ARID1B: variants seen among roughly 807,000 people sequenced by gnomAD.
The protein encoded by ARID1B is AT-rich interaction domain 1B, also known as AT-rich interactive domain-containing protein 1B.
ARID1B carries 30 observed loss-of-function variants against 212.3 expected under a neutral mutation model. The ratio of observed to expected loss-of-function variants is 0.14; its 90% CI spans 0.11 to 0.19. The LOEUF is 0.19. Among genes scored for constraint, ARID1B ranks in the 10% least tolerant of loss-of-function variants. The probability of loss-of-function intolerance (pLI) is 1.00; values close to 1 mark genes in which losing one functional copy is unlikely to be tolerated. For synonymous variants in ARID1B, 1,402 were observed against 1,301.7 expected (o/e 1.08, Z -1.66); for missense variants, 2,891 against 3,204.0 (o/e 0.90, Z 2.36).
At chr6:156,947,476 G>T (rs888806089) in intron 4 of ARID1B, among the ~76,000 whole-genome samples, 10 of 151,956 alleles carry the variant, frequency 6.6e-5, no homozygotes, top group African/African-American at 2.4e-4. Context: ...GGGCGATGGT[G>T]CAGGGAACCT....
chr6:157,060,599 G>C (rs1783274034), intron 4 of ARID1B, among the ~76,000 whole-genome samples: 1 of 129,514 alleles, frequency 7.7e-6, no homozygotes, highest in Non-Finnish European at 1.6e-5. Flanking sequence ...TATTTTGAAA[G>C]CATTTTAATA....
At chr6:157,054,817 A>G (rs184661552) in intron 4 of ARID1B, among the ~76,000 whole-genome samples, 7 of 152,336 alleles carry the variant, frequency 4.6e-5, no homozygotes, top group African/African-American at 1.7e-4. Flanking sequence ...CATAAAACAC[A>G]TAAATGTCTA....
chr6:156,856,223 G>A, intron 2 of ARID1B, among the ~76,000 whole-genome samples: 1 of 152,210 alleles, frequency 6.6e-6, no homozygotes, highest in East Asian at 1.9e-4. Context: ...GGAAAGATGT[G>A]TGTATGTTTC....
At chr6:157,045,358 C>T (rs1782163060) in intron 4 of ARID1B, among the ~76,000 whole-genome samples, 1 of 152,134 alleles carries the variant, frequency 6.6e-6, no homozygotes, top group Non-Finnish European at 1.5e-5. Flanking sequence ...TGAGTGTAAC[C>T]ACATGAAAAC....
intron 1 of ARID1B, among the ~76,000 whole-genome samples, chr6:156,805,052 A>G (rs1022144033): frequency 6.6e-6 from 1 of 152,144 alleles, no homozygotes; most frequent in African/African-American, 2.4e-5. Flanking sequence ...TTAGTACTTC[A>G]CTTACCAACC....
chr6:157,015,850 A>G (rs1352453358), intron 4 of ARID1B, among the ~76,000 whole-genome samples: 2 of 152,222 alleles, frequency 1.3e-5, no homozygotes, highest in African/African-American at 4.8e-5. Context: ...CCCCACTGCT[A>G]CATACATCCC....
chr6:156,795,484 A>C (rs1481504570), intron 1 of ARID1B, among the ~76,000 whole-genome samples: 5 of 152,202 alleles, frequency 3.3e-5, no homozygotes, highest in African/African-American at 4.8e-5. Flanking sequence ...ACCAAACACC[A>C]AAATTAGCAT....
At chr6:156,922,365 G>A (rs1489231887) in intron 3 of ARID1B, among the ~76,000 whole-genome samples, 1 of 152,100 alleles carries the variant, frequency 6.6e-6, no homozygotes, top group East Asian at 1.9e-4. Context: ...TAGAGATGGG[G>A]TTTCACCATG....
At chr6:156,824,449 C>A (rs1782599632) in intron 1 of ARID1B, among the ~76,000 whole-genome samples, 1 of 152,176 alleles carries the variant, frequency 6.6e-6, no homozygotes, top group Non-Finnish European at 1.5e-5. Context: ...TGAAAATGGT[C>A]ATACCCGGAT....
At chr6:157,187,278 G>C (rs9397320) in intron 13 of ARID1B, among the ~76,000 whole-genome samples, 1 of 152,068 alleles carries the variant, frequency 6.6e-6, no homozygotes, top group African/African-American at 2.4e-5. Flanking sequence ...CTCCACATTC[G>C]GTTAATAAGT....
Position 157,133,052 on chromosome 6 carries a change from A to G in ARID1B, c.2606A>G (p.Asn869Ser). ...ERGFMAGTQR[N>S]PQMAQYGPQQ... ...GGTTTTATGGCAGGCACACAAAGAA[A>G]CCCTCAGATGGCTCAGTATGGACCT... Residue 869 changes from asparagine (N) to serine (S), a missense_variant, in exon 7 of 20, where the codon AAC (asparagine) becomes AGC (serine). This residue lies in a region of ARID1B where 1,643 missense variants were observed against 1,544.0 expected (regional missense o/e 1.06). Transcript: ENST00000636930. 6.3e-7 allele frequency: 1 copy of G among 1,599,492 alleles called. No individual in the cohort carries two copies. Among genetic ancestry groups the G allele is most frequent in the South Asian group, 1.1e-5 (1 of 87,788 alleles).
At chr6:156,838,342 G>GA (rs2128075733) in intron 2 of ARID1B, among the ~76,000 whole-genome samples, 1 of 152,264 alleles carries the variant, frequency 6.6e-6, no homozygotes, top group East Asian at 1.9e-4. Flanking sequence ...TTACTTAATG[G>GA]TCCTGAGACA....
chr6:156,996,465 C>T (rs562847443), intron 4 of ARID1B, among the ~76,000 whole-genome samples: 43 of 152,306 alleles, frequency 2.8e-4, no homozygotes, highest in Non-Finnish European at 5.7e-4. Flanking sequence ...TTGTACTGAA[C>T]CAGAAGGTGA....
chr6:157,156,641 G>T (rs753092394), intron 8 of ARID1B, among the ~76,000 whole-genome samples: 6 of 152,164 alleles, frequency 3.9e-5, no homozygotes, highest in Admixed American at 3.9e-4. Flanking sequence ...CAAGCCACTC[G>T]TGAGCGTCAC....
intron 4 of ARID1B, among the ~76,000 whole-genome samples, chr6:157,003,640 T>G (rs1186642793): frequency 6.6e-6 from 1 of 152,214 alleles, no homozygotes; most frequent in Non-Finnish European, 1.5e-5. Flanking sequence ...AATGGACTAC[T>G]TACAGTGAAG....
chr6:157,025,811 C>T (rs922393367), intron 4 of ARID1B, among the ~76,000 whole-genome samples: 1 of 152,172 alleles, frequency 6.6e-6, no homozygotes, highest in Non-Finnish European at 1.5e-5. Flanking sequence ...TTTCATTGCT[C>T]TTGGGTGAAT....
chr6:157,195,922 G>A (rs1793685133), intron 15 of ARID1B: 2 of 415,906 alleles, frequency 4.8e-6, no homozygotes, highest in South Asian at 2.7e-5. Flanking sequence ...TTAGCCAGGT[G>A]TGGTGGTGGA....
intron 4 of ARID1B, among the ~76,000 whole-genome samples, chr6:157,048,476 T>A (rs557794819): frequency 6.6e-6 from 1 of 152,304 alleles, no homozygotes; most frequent in South Asian, 2.1e-4. Flanking sequence ...ACATTTCACA[T>A]TATAACTTAA....
Position 156,777,992 on chromosome 6 carries a change from C to G in ARID1B, c.312C>G (p.Ser104=). The G allele has an allele frequency of 6.5e-7, 1 of 1,531,480 alleles. No homozygotes were observed. Among genetic ancestry groups the G allele is most frequent in the South Asian group, 1.2e-5 (1 of 83,718 alleles). 94.9% of individuals were successfully genotyped at this position (1,531,480 alleles called of 1,614,324 possible). ...CCCACAGCGCCAAGAGCGGCGGCTC[C>G]GAGGCGGCTCTCAAGGAGGGTGGAA... ...AGTHSAKSGG[S]EAALKEGGSA... is the part of the protein sequence containing the mutation. The change falls in exon 1 of 20, where the codon TCC becomes TCG. Residue 104 remains serine, a synonymous_variant. Transcript: ENST00000636930.
Sources: allele counts gnomAD v4.1 joint callset (sites outside exome capture counted in the v4.1 genomes callset), GRCh38; gene constraint gnomAD v4.1.1; regional missense constraint gnomAD v4.1.1; transcripts MANE v1.5; gene names NCBI Gene and HGNC (gene_info 2026-07-23, HGNC 2026-07-21).